ZDHHC21: variants seen among roughly 807,000 people sequenced by gnomAD.
ZDHHC21 encodes palmitoyltransferase ZDHHC21.
ZDHHC21 carries 15 observed loss-of-function variants against 34.6 expected under a neutral mutation model. The ratio of observed to expected loss-of-function variants is 0.43; its 90% CI spans 0.29 to 0.67. The LOEUF (loss-of-function observed/expected upper bound fraction) is 0.67, where lower values mean the gene tolerates loss of function less well. ZDHHC21 is among the 30% of genes least tolerant of loss of function. The pLI is 0.14. For missense variants in ZDHHC21, 344 were observed against 327.7 expected (o/e 1.05, Z -0.38); for synonymous variants, 142 against 101.8 (o/e 1.40, Z -2.38).
intron 2 of ZDHHC21, among the ~76,000 whole-genome samples, chr9:14,684,845 C>G (rs1162226167): frequency 1.3e-5 from 2 of 152,104 alleles, no homozygotes; most frequent in Non-Finnish European, 2.9e-5. Context: ...GTACTGGTAC[C>G]AAAACAGAGA....
At chr9:14,646,551 C>T (rs187440983) in intron 7 of ZDHHC21, among the ~76,000 whole-genome samples, 35 of 152,140 alleles carry the variant, frequency 2.3e-4, no homozygotes, top group African/African-American at 8.2e-4. Flanking sequence ...GTCAGACCAC[C>T]TCTCTGATCT....
At chr9:14,633,562 G>C (rs546203389) in intron 8 of ZDHHC21, among the ~76,000 whole-genome samples, 3 of 152,218 alleles carry the variant, frequency 2.0e-5, no homozygotes, top group South Asian at 2.1e-4. Flanking sequence ...GCCCTCACCA[G>C]ACTGTATCCT....
the ZDHHC21 span, among the ~76,000 whole-genome samples, chr9:14,602,928 C>CAA: frequency 5.1e-3 from 446 of 88,008 alleles, 13 homozygotes; most frequent in Non-Finnish European, 6.4e-3. Flanking sequence ...GACTTCATCT[C>CAA]AAAAAAAAAA....
At chr9:14,651,140 A>G (rs1564295016) in intron 7 of ZDHHC21, among the ~76,000 whole-genome samples, 2 of 151,892 alleles carry the variant, frequency 1.3e-5, no homozygotes, top group Non-Finnish European at 2.9e-5. Context: ...GCTGATTTCC[A>G]GCAGGAACAT....
At chr9:14,636,254 G>C (rs1368177452) in intron 8 of ZDHHC21, among the ~76,000 whole-genome samples, 1 of 152,104 alleles carries the variant, frequency 6.6e-6, no homozygotes, top group Non-Finnish European at 1.5e-5. Flanking sequence ...CCAAAAGTAA[G>C]CTGGAATAGC....
In ZDHHC21 at chr9:14,644,974, A is replaced by G. The variant is rs1447818937; in HGVS notation, c.505-4962T>C. ...AAGGTAGGAAAGTCGGTTCTACTGC[A>G]TGTATTCTCGACAGGGCAAGTTTTG... is the stretch of plus-strand genomic sequence containing the variant. On this transcript the variant is annotated intron_variant, in intron 7 of 9. Coordinates refer to ENST00000380916, the MANE Select transcript of ZDHHC21 (RefSeq NM_178566.6). 2.0e-5 allele frequency among the ~76,000 whole-genome samples: 3 copies of G among 152,126 alleles called. No individual in the cohort carries two copies. In the East Asian group the frequency reaches 5.8e-4, roughly 29 times the overall value.
At chr9:14,638,903 G>A (rs1243958889) in intron 8 of ZDHHC21, among the ~76,000 whole-genome samples, 4 of 152,042 alleles carry the variant, frequency 2.6e-5, no homozygotes, top group Non-Finnish European at 5.9e-5. Flanking sequence ...TACACTGTTG[G>A]TGGGAATGTA....
intron 2 of ZDHHC21, among the ~76,000 whole-genome samples, 162 bp from the exon 3 acceptor site, chr9:14,680,324 C>T (rs1365743770): frequency 6.6e-6 from 1 of 152,086 alleles, no homozygotes; most frequent in Non-Finnish European, 1.5e-5. Context: ...CCCACCCATC[C>T]CCTCAGAATT....
chr9:14,600,892 C>A, the ZDHHC21 span, among the ~76,000 whole-genome samples: 2 of 152,134 alleles, frequency 1.3e-5, no homozygotes, highest in South Asian at 4.1e-4. Flanking sequence ...CAAAAACAAG[C>A]AATGGGGAAA....
chr9:14,645,430 A>G (rs540362474), intron 7 of ZDHHC21, among the ~76,000 whole-genome samples: 2 of 152,270 alleles, frequency 1.3e-5, no homozygotes, highest in Admixed American at 1.3e-4. Flanking sequence ...CCTGACTTCT[A>G]TCTCATGAGA....
At chr9:14,620,033 T>TA (rs1395762998) in intron 8 of ZDHHC21, among the ~76,000 whole-genome samples, 2 of 152,108 alleles carry the variant, frequency 1.3e-5, no homozygotes, top group Admixed American at 6.6e-5. Flanking sequence ...GAATATGCAT[T>TA]AAAAAATAAA....
intron 5 of ZDHHC21, among the ~76,000 whole-genome samples, chr9:14,663,199 C>CT (rs1833714509): frequency 6.6e-6 from 1 of 152,110 alleles, no homozygotes; most frequent in African/African-American, 2.4e-5. Flanking sequence ...AAAAATGTAT[C>CT]TTTTAAATAT....
At chr9:14,640,141 T>C (rs1587023446) in intron 7 of ZDHHC21, 129 bp from the exon 8 acceptor site, 1 of 519,662 alleles carries the variant, frequency 1.9e-6, no homozygotes, top group South Asian at 3.8e-5. Flanking sequence ...TCTCCCTCTT[T>C]TATACTTCTA....
chr9:14,653,050 G>A (rs79599515), intron 7 of ZDHHC21, among the ~76,000 whole-genome samples: 2 of 151,858 alleles, frequency 1.3e-5, no homozygotes, highest in Admixed American at 1.3e-4. Flanking sequence ...TGCTTTAACT[G>A]CATCATTACT....
intron 3 of ZDHHC21, among the ~76,000 whole-genome samples, chr9:14,677,862 G>T (rs1414660045): frequency 6.6e-6 from 1 of 152,072 alleles, no homozygotes; most frequent in South Asian, 2.1e-4. Flanking sequence ...TCCTCAAGAA[G>T]AATATTCAAG....
At chr9:14,630,319 T>C (rs1371532284) in intron 8 of ZDHHC21, among the ~76,000 whole-genome samples, 1 of 152,226 alleles carries the variant, frequency 6.6e-6, no homozygotes, top group Non-Finnish European at 1.5e-5. Context: ...CTTTTTGGGC[T>C]CATCCATAAG....
chr9:14,599,971 A>C, the ZDHHC21 span, among the ~76,000 whole-genome samples: 3 of 152,062 alleles, frequency 2.0e-5, no homozygotes, highest in Non-Finnish European at 4.4e-5. Flanking sequence ...CATGCTAAAA[A>C]CTCTCAACAA....
intron 2 of ZDHHC21, among the ~76,000 whole-genome samples, chr9:14,684,735 G>A (rs1009572167): frequency 3.3e-5 from 5 of 151,932 alleles, no homozygotes; most frequent in Non-Finnish European, 5.9e-5. Flanking sequence ...AAAAGAACCC[G>A]CATTGCCAAG....
intron 2 of ZDHHC21, among the ~76,000 whole-genome samples, chr9:14,687,979 C>T (rs974725450): frequency 6.6e-6 from 1 of 150,870 alleles, no homozygotes; most frequent in African/African-American, 2.5e-5. Flanking sequence ...AACTTTTTGA[C>T]TTCTGATATC....
Sources: gnomAD v4.1 joint callset for allele counts (sites outside exome capture counted in the v4.1 genomes callset) on GRCh38, gnomAD v4.1.1 for gene constraint, MANE v1.5 for transcripts, NCBI Gene and HGNC (gene_info 2026-07-23, HGNC 2026-07-21) for gene names.